Variants in HIBADH observed in about 807,000 individuals in gnomAD.
HIBADH encodes the protein 3-hydroxyisobutyrate dehydrogenase, mitochondrial.
In HIBADH, 25 loss-of-function variants were observed where a neutral mutation model predicts 36.1. The observed-to-expected ratio is 0.69, with a 90% CI of 0.50 to 0.97. HIBADH has a LOEUF of 0.97. Ranked by LOEUF, HIBADH falls within the 50% of genes least tolerant of loss-of-function variation. The probability of loss-of-function intolerance (pLI) is 0.00; values close to 1 mark genes in which losing one functional copy is unlikely to be tolerated. For missense variants in HIBADH, 421 were observed against 418.0 expected (o/e 1.01, Z -0.06); for synonymous variants, 160 against 149.5 (o/e 1.07, Z -0.51).
intron 4 of HIBADH, among the ~76,000 whole-genome samples, chr7:27,595,430 A>T (rs1332096989): frequency 6.6e-6 from 1 of 152,166 alleles, no homozygotes; most frequent in Admixed American, 6.5e-5. Context: ...AGGCATGAGA[A>T]TCATTTGAAC....
chr7:27,542,012 A>G (rs1784158257), intron 5 of HIBADH, among the ~76,000 whole-genome samples: 1 of 152,158 alleles, frequency 6.6e-6, no homozygotes, highest in Non-Finnish European at 1.5e-5. Flanking sequence ...ATTTCTCTCA[A>G]CTGTAAATGG....
chr7:27,552,065 C>T (rs550787073), intron 4 of HIBADH, among the ~76,000 whole-genome samples: 3 of 152,156 alleles, frequency 2.0e-5, no homozygotes, highest in Non-Finnish European at 1.5e-5. Flanking sequence ...AATATAATCC[C>T]GTGAAAGTAA....
intron 4 of HIBADH, among the ~76,000 whole-genome samples, chr7:27,563,456 CT>C: frequency 6.6e-6 from 1 of 152,278 alleles, no homozygotes; most frequent in East Asian, 1.9e-4. Context: ...GTATGTTTAA[CT>C]TTATGAAAAG....
At chr7:27,540,911 G>A (rs1784140108) in intron 5 of HIBADH, among the ~76,000 whole-genome samples, 2 of 152,106 alleles carry the variant, frequency 1.3e-5, no homozygotes, top group Admixed American at 1.3e-4. Flanking sequence ...CCAGAAACAG[G>A]GTTCTCATCG....
intron 4 of HIBADH, among the ~76,000 whole-genome samples, chr7:27,577,514 T>A (rs2128188878): frequency 6.6e-6 from 1 of 152,258 alleles, no homozygotes; most frequent in Admixed American, 6.5e-5. Context: ...AAGACCCATA[T>A]CCTTGTAATA....
intron 1 of HIBADH, among the ~76,000 whole-genome samples, chr7:27,655,553 GA>G (rs1216769796): frequency 6.6e-6 from 1 of 151,994 alleles, no homozygotes. Flanking sequence ...AAAACAAGGG[GA>G]AAAAGATTAG....
intron 4 of HIBADH, among the ~76,000 whole-genome samples, chr7:27,558,210 CTTG>C (rs1030930643): frequency 8.5e-5 from 13 of 152,210 alleles, no homozygotes; most frequent in African/African-American, 2.6e-4. Flanking sequence ...CTCTATTTTT[CTTG>C]TTGTTAACTA....
intron 4 of HIBADH, among the ~76,000 whole-genome samples, chr7:27,613,147 T>TTTTATATATATTTATATAAATATA (rs1785357869): frequency 1.7e-5 from 2 of 120,608 alleles, no homozygotes; most frequent in Non-Finnish European, 3.4e-5. Flanking sequence ...TATAAATATA[T>TTTTATATATATTTATATAAATATA]TTTATATAAA....
chr7:27,600,245 A>C (rs969136429), intron 4 of HIBADH, among the ~76,000 whole-genome samples: 10 of 151,212 alleles, frequency 6.6e-5, no homozygotes, highest in South Asian at 4.2e-4. Flanking sequence ...AAAACACATC[A>C]CTCAAAACAT....
chr7:27,649,680 T>C lies in HIBADH; in HGVS notation c.92-47A>G, dbSNP rs765263820. 7.5e-6 allele frequency: 11 copies of C among 1,464,140 alleles called. No homozygotes were observed. The South Asian group carries it at 1.6e-4, about 21-fold the overall frequency. The allele number at this position is 1,464,140 out of a possible 1,614,324, so 90.7% of individuals were successfully genotyped here. ...CAATAGGGGCAAATAACATTTTTTA[T>C]TGTAAACATTCATTTAATATTAGCA... On this transcript the variant is annotated intron_variant, in intron 1 of 7. Coordinates refer to ENST00000265395, the MANE Select transcript of HIBADH (RefSeq NM_152740.4).
chr7:27,542,262 T>C (rs775404128), intron 5 of HIBADH, among the ~76,000 whole-genome samples: 1 of 151,984 alleles, frequency 6.6e-6, no homozygotes, highest in Non-Finnish European at 1.5e-5. Context: ...GATGTATAAG[T>C]GGGCCCATGG....
chr7:27,623,270 T>G (rs948281996), intron 4 of HIBADH, among the ~76,000 whole-genome samples: 16 of 152,084 alleles, frequency 1.1e-4, no homozygotes, highest in African/African-American at 3.6e-4. Flanking sequence ...ATAAAGGCCA[T>G]ATACAACACA....
intron 1 of HIBADH, among the ~76,000 whole-genome samples, chr7:27,656,087 A>G (rs1409214766): frequency 6.6e-6 from 1 of 152,174 alleles, no homozygotes; most frequent in Non-Finnish European, 1.5e-5. Context: ...TCAGGCAGTA[A>G]ATTATTTTCA....
intron 4 of HIBADH, among the ~76,000 whole-genome samples, chr7:27,573,742 AAATAT>A (rs1784662781): frequency 1.3e-5 from 2 of 152,192 alleles, no homozygotes; most frequent in African/African-American, 4.8e-5. Context: ...TGAGAACTTA[AAATAT>A]AGCTAGTTCA....
chr7:27,538,773 C>G (rs991602030), intron 5 of HIBADH, among the ~76,000 whole-genome samples: 4 of 151,938 alleles, frequency 2.6e-5, no homozygotes, highest in Non-Finnish European at 4.4e-5. Context: ...GCAACAAAAA[C>G]AAGTGGTGAA....
intron 2 of HIBADH, among the ~76,000 whole-genome samples, chr7:27,635,104 G>GTGTT (rs1230455519): frequency 7.2e-5 from 11 of 151,894 alleles, no homozygotes; most frequent in East Asian, 5.8e-4. Flanking sequence ...GTGTGTGTGT[G>GTGTT]TGTGTGTATT....
At chr7:27,552,898 T>C (rs1185508677) in intron 4 of HIBADH, among the ~76,000 whole-genome samples, 2 of 152,198 alleles carry the variant, frequency 1.3e-5, no homozygotes, top group Non-Finnish European at 2.9e-5. Context: ...TGCATCAAAA[T>C]ATTTCATAAG....
intron 4 of HIBADH, among the ~76,000 whole-genome samples, chr7:27,612,547 C>T (rs1196335900): frequency 6.6e-6 from 1 of 152,062 alleles, no homozygotes; most frequent in East Asian, 2.0e-4. Flanking sequence ...TGGTCTCGGA[C>T]TCCTGACCTT....
chr7:27,525,482 C>A lies in HIBADH; in HGVS notation c.*732G>T, dbSNP rs1673383031. 6.6e-6 allele frequency: 1 copy of A among 151,954 alleles called. No individual in the cohort carries two copies. The highest frequency in any genetic ancestry group is 2.1e-4 in the South Asian group (1 of 4,818). The allele number at this position is 151,954 out of a possible 1,614,324, so 9.4% of individuals were successfully genotyped here. ...TTTATTTGAATTCAAAATAATATGG[C>A]TATATTTATAATAATATAATAATTA... is the stretch of plus-strand genomic sequence containing the variant. On this transcript the variant is annotated 3_prime_UTR_variant, in exon 8 of 8. Coordinates refer to ENST00000265395, the MANE Select transcript of HIBADH (RefSeq NM_152740.4).
Sources: allele counts gnomAD v4.1 joint callset (sites outside exome capture counted in the v4.1 genomes callset), GRCh38; gene constraint gnomAD v4.1.1; transcripts MANE v1.5; gene names NCBI Gene and HGNC (gene_info 2026-07-23, HGNC 2026-07-21).